The following BTBD9 variants were observed in gnomAD, a reference collection of about 807,000 sequenced individuals.
BTBD9 encodes the protein BTB/POZ domain-containing protein 9.
BTBD9 carries 49 observed loss-of-function variants against 64.3 expected under a neutral mutation model. The ratio of observed to expected loss-of-function variants is 0.76; its 90% CI spans 0.61 to 0.97. The LOEUF is 0.97. Among genes scored for constraint, BTBD9 ranks in the 50% least tolerant of loss-of-function variants. The pLI is 0.00. For synonymous variants in BTBD9, 260 were observed against 274.7 expected, an observed-to-expected ratio of 0.95 and a Z score of 0.53; for missense variants, 598 against 762.1, an observed-to-expected ratio of 0.78 and a Z score of 2.53.
chr6:38,371,235 T>A (rs928114173), intron 6 of BTBD9, among the ~76,000 whole-genome samples: 3 of 152,224 alleles, frequency 2.0e-5, no homozygotes, highest in African/African-American at 7.2e-5. Context: ...TGGGACAATT[T>A]ACCACTCTGT....
chr6:38,503,326 A>C (rs1772301277), intron 6 of BTBD9, among the ~76,000 whole-genome samples: 1 of 151,982 alleles, frequency 6.6e-6, no homozygotes, highest in Admixed American at 6.6e-5. Flanking sequence ...CCTTCTCTCC[A>C]GGAGACGGCC....
intron 9 of BTBD9, among the ~76,000 whole-genome samples, chr6:38,201,860 A>T (rs1460416600): frequency 6.6e-6 from 1 of 152,216 alleles, no homozygotes; most frequent in Non-Finnish European, 1.5e-5. Context: ...ATGGAAAAAA[A>T]TTCCTAGGAA....
chr6:38,527,411 C>T (rs1221778972), intron 6 of BTBD9, among the ~76,000 whole-genome samples: 1 of 151,748 alleles, frequency 6.6e-6, no homozygotes, highest in Admixed American at 6.6e-5. Context: ...GTAATCCCCA[C>T]ATGTCAAGGG....
At position 38,434,492 on chromosome 6, in the gene BTBD9, T is replaced by C. The variant is rs548206197; in HGVS notation, c.1155-89399A>G. 2.9e-4 allele frequency among the ~76,000 whole-genome samples: 44 copies of C among 152,020 alleles called. 1 individual carries two copies. Among genetic ancestry groups the C allele is most frequent in the African/African-American group, 1.1e-3 (44 of 41,318 alleles). On this transcript the variant is annotated intron_variant, in intron 6 of 10. Transcript: ENST00000481247. The stretch of plus-strand genomic sequence containing the variant: ...TGTCCCACCTTTCTGGACCAAACCA[T>C]TGTATTTCTTAAATGTATTTGATTG...
rs528292731 is a variant in BTBD9 at position 38,580,251 on chromosome 6, T to G, written c.1001A>C (p.His334Pro). 1.2e-6 allele frequency: 2 copies of G among 1,614,256 alleles called. No homozygotes were observed. The highest frequency in any genetic ancestry group is 2.2e-5 in the South Asian group (2 of 91,090). The change falls in exon 5 of 11, where the codon CAC becomes CCC. Residue 334 changes from histidine (H) to proline (P), a missense_variant. Coordinates refer to ENST00000481247, the MANE Select transcript of BTBD9 (RefSeq NM_001099272.2). ...TCGGTCCCACAAGAGTATCCGTATG[T>G]GATTGATAATGGATGGCTGACCTAG... ...IKLGQPSIINHIRILLWDRDS... is the reference protein window; with the variant it reads ...IKLGQPSIINPIRILLWDRDS...
At chr6:38,445,590 T>A (rs1423356190) in intron 6 of BTBD9, among the ~76,000 whole-genome samples, 6 of 152,214 alleles carry the variant, frequency 3.9e-5, no homozygotes, top group Non-Finnish European at 5.9e-5. Context: ...GGAGATTCTA[T>A]CTGTTTATGA....
chr6:38,543,571 CT>C (rs1287570512), intron 6 of BTBD9, among the ~76,000 whole-genome samples: 1 of 152,120 alleles, frequency 6.6e-6, no homozygotes, highest in Admixed American at 6.5e-5. Context: ...AGAGGCTAGC[CT>C]TTTTTGCAGG....
intron 6 of BTBD9, among the ~76,000 whole-genome samples, chr6:38,405,843 C>T (rs1315881349): frequency 6.6e-6 from 1 of 152,118 alleles, no homozygotes; most frequent in Non-Finnish European, 1.5e-5. Context: ...TAGTGATAAA[C>T]AATTCAGCAC....
chr6:38,385,162 T>C (rs1487805673), intron 6 of BTBD9, among the ~76,000 whole-genome samples: 1 of 147,364 alleles, frequency 6.8e-6, no homozygotes, highest in Non-Finnish European at 1.5e-5. Flanking sequence ...GTAAGCATAC[T>C]AGATACAACT....
intron 7 of BTBD9, among the ~76,000 whole-genome samples, chr6:38,320,155 T>C (rs561690745): frequency 4.9e-4 from 75 of 152,292 alleles, no homozygotes; most frequent in Non-Finnish European, 9.1e-4. Flanking sequence ...GGGGGAGAGA[T>C]GGCATCAGCA....
intron 6 of BTBD9, among the ~76,000 whole-genome samples, chr6:38,371,850 G>C (rs1317123824): frequency 6.6e-6 from 1 of 151,930 alleles, no homozygotes; most frequent in African/African-American, 2.4e-5. Flanking sequence ...ATTACAATTG[G>C]GGACATTAAT....
At chr6:38,440,763 T>C (rs967552741) in intron 6 of BTBD9, among the ~76,000 whole-genome samples, 1 of 152,232 alleles carries the variant, frequency 6.6e-6, no homozygotes, top group African/African-American at 2.4e-5. Flanking sequence ...ATTAGGGCCT[T>C]CTGTACCACA....
intron 6 of BTBD9, among the ~76,000 whole-genome samples, chr6:38,551,437 G>A (rs531185283): frequency 2.0e-4 from 30 of 152,240 alleles, no homozygotes; most frequent in African/African-American, 6.5e-4. Flanking sequence ...AAAGTAGGCC[G>A]GGATCTAACA....
intron 6 of BTBD9, among the ~76,000 whole-genome samples, chr6:38,478,334 C>T (rs1332532556): frequency 2.0e-5 from 3 of 152,172 alleles, no homozygotes; most frequent in South Asian, 2.1e-4. Flanking sequence ...TATTAGCTTA[C>T]TCATATATAT....
intron 6 of BTBD9, among the ~76,000 whole-genome samples, chr6:38,396,897 CTTTT>C (rs146597621): frequency 0.025 from 2,694 of 107,408 alleles, 21 homozygotes; most frequent in East Asian, 0.081. Flanking sequence ...TTTTCTTTTT[CTTTT>C]TTTTTTTTTT....
chr6:38,358,814 G>C lies in BTBD9; in HGVS notation c.1155-13721C>G, dbSNP rs928043905. Among the ~76,000 whole-genome samples the C allele has an allele frequency of 2.6e-5, 4 of 151,492 alleles. 1 individual carries two copies. Among genetic ancestry groups the C allele is most frequent in the Non-Finnish European group, 2.9e-5 (2 of 67,884 alleles). ...GAGTCTCGCTCTGTCGCCCAGGCCG[G>C]ACTGCGGACTGCAGTGGCGCAATCT... On this transcript the variant is annotated intron_variant, in intron 6 of 10. Coordinates refer to ENST00000481247, the MANE Select transcript of BTBD9 (RefSeq NM_001099272.2).
Position 38,582,732 on chromosome 6 carries a change from C to T in BTBD9, c.815-2295G>A, listed in dbSNP as rs545703345. Among the ~76,000 whole-genome samples the T allele has an allele frequency of 3.9e-5, 6 of 152,268 alleles. No homozygotes were observed. The East Asian group carries it at 1.2e-3, about 29-fold the overall frequency. ...AAGATTCAGGCTCTATCATTCACCCCCCTTGAGTAAGGCCTGTTAGTCTCT... is the reference window on the plus strand; with the variant it reads ...AAGATTCAGGCTCTATCATTCACCCTCCTTGAGTAAGGCCTGTTAGTCTCT... On this transcript the variant is annotated intron_variant, in intron 4 of 10. Coordinates refer to ENST00000481247, the MANE Select transcript of BTBD9 (RefSeq NM_001099272.2).
intron 7 of BTBD9, among the ~76,000 whole-genome samples, chr6:38,342,958 A>G (rs1764160929): frequency 6.6e-6 from 1 of 152,270 alleles, no homozygotes; most frequent in South Asian, 2.1e-4. Context: ...AGCAGCTCTG[A>G]GCTGTGAGGA....
chr6:38,395,651 TA>T (rs1467554917), intron 6 of BTBD9, among the ~76,000 whole-genome samples: 4 of 151,996 alleles, frequency 2.6e-5, no homozygotes, highest in Non-Finnish European at 5.9e-5. Context: ...ACCACTCAGC[TA>T]AACTACTCTC....
Sources: gnomAD v4.1 joint callset for allele counts (sites outside exome capture counted in the v4.1 genomes callset) on GRCh38, gnomAD v4.1.1 for gene constraint, MANE v1.5 for transcripts, NCBI Gene and HGNC (gene_info 2026-07-23, HGNC 2026-07-21) for gene names.